KRT86: variants seen among roughly 807,000 people sequenced by gnomAD.
KRT86 encodes keratin, type II cuticular Hb6.
Under a neutral mutation model 41.2 loss-of-function variants are expected in KRT86, and 30 were observed. The observed-to-expected ratio is 0.73, with a 90% CI of 0.54 to 0.99. The LOEUF (loss-of-function observed/expected upper bound fraction) is 0.99. Ranked by LOEUF, KRT86 falls within the 50% of genes least tolerant of loss-of-function variation. The pLI, the probability that KRT86 is intolerant of heterozygous loss-of-function variation, is 0.00. For synonymous variants in KRT86, 238 were observed against 238.1 expected (o/e 1.00, Z 0.00); for missense variants, 561 against 571.4 (o/e 0.98, Z 0.19).
At chr12:52,280,170 G>A (rs556179330) in intron 2 of KRT86, among the ~76,000 whole-genome samples, 8 of 152,318 alleles carry the variant, frequency 5.3e-5, no homozygotes, top group Non-Finnish European at 1.0e-4. Flanking sequence ...GGCGGGCAGA[G>A]GAACAACACA....
intron 8 of KRT86, 131 bp downstream of exon 8, chr12:52,305,919 G>T: frequency 6.3e-7 from 1 of 1,577,514 alleles, no homozygotes; most frequent in Non-Finnish European, 8.6e-7. Flanking sequence ...CCTGGTTGTG[G>T]TCTCTGTGAG....
At chr12:52,285,606 G>C (rs1420554255) in intron 2 of KRT86, among the ~76,000 whole-genome samples, 2 of 152,152 alleles carry the variant, frequency 1.3e-5, no homozygotes, top group African/African-American at 4.8e-5. Context: ...GAGCACTAGC[G>C]ACACACACAG....
intron 2 of KRT86, among the ~76,000 whole-genome samples, chr12:52,301,158 A>G (rs748552158): frequency 6.6e-6 from 1 of 151,242 alleles, no homozygotes; most frequent in African/African-American, 2.4e-5. Context: ...TGTGTATGTG[A>G]AAGAGAGAGG....
intron 2 of KRT86, among the ~76,000 whole-genome samples, chr12:52,288,661 T>G (rs903458588): frequency 5.3e-5 from 8 of 152,070 alleles, no homozygotes; most frequent in African/African-American, 1.9e-4. Context: ...TGACCATGCC[T>G]CACCAGCCTT....
chr12:52,276,752 A>G (rs1007960962), intron 2 of KRT86, among the ~76,000 whole-genome samples: 2 of 152,054 alleles, frequency 1.3e-5, no homozygotes, highest in Non-Finnish European at 2.9e-5. Context: ...GTCCTCCAGG[A>G]TGTTTTCTTT....
intron 6 of KRT86, 64 bp from the exon 7 acceptor site, chr12:52,305,176 G>A (rs549727798): frequency 3.1e-6 from 5 of 1,612,652 alleles, no homozygotes; most frequent in Non-Finnish European, 4.2e-6. Context: ...CTGAGGAGGT[G>A]GAGTCAGGAC....
chr12:52,286,376 C>G (rs1031761155), intron 2 of KRT86: 4 of 1,555,234 alleles, frequency 2.6e-6, no homozygotes, highest in Non-Finnish European at 3.5e-6. Context: ...CGCACACAGG[C>G]CGGTGCTCAC....
In KRT86 at chr12:52,308,784, C is replaced by G; in HGVS notation, c.*199C>G. 1.7e-6 allele frequency: 1 copy of G among 598,682 alleles called. No individual in the cohort carries two copies. The highest frequency in any genetic ancestry group is 2.0e-5 in the South Asian group (1 of 50,308). The allele number at this position is 598,682 out of a possible 1,614,324, so 37.1% of individuals were successfully genotyped here. ...GGGGAGGGCCGGGAGGCGCCATGGT[C>G]TCTCTCTGTAGCCTTTCCTGGTAGT... On this transcript the variant is annotated 3_prime_UTR_variant, in exon 11 of 11. Transcript: ENST00000423955.
intron 10 of KRT86, 23 bp downstream of exon 10, chr12:52,308,287 T>C: frequency 6.2e-7 from 1 of 1,614,112 alleles, no homozygotes; most frequent in Non-Finnish European, 8.5e-7. Context: ...GTCCGTCCCC[T>C]CCTCCCGCTG....
rs61914259 is a variant in KRT86 at position 52,305,249 on chromosome 12, G to C, written c.745G>C (p.Val249Leu). Residue 249 changes from valine (V) to leucine (L), a missense_variant, in exon 7 of 11, where the codon GTT (valine) becomes CTT (leucine). This residue lies in a region of KRT86 where 397 missense variants were observed against 375.9 expected (regional missense o/e 1.06). Coordinates refer to ENST00000423955, the MANE Select transcript of KRT86 (RefSeq NM_001320198.2). Reference protein sequence around the residue: ...LRRLYEEEIRVLQSHISDTSV... With the variant: ...LRRLYEEEIRLLQSHISDTSV... ...CCCTCACCTCCTGCAGGAGATCCGC[G>C]TTCTCCAGTCCCACATCTCAGACAC... 3.1e-6 allele frequency: 5 copies of C among 1,608,630 alleles called. No individual in the cohort carries two copies. The highest frequency in any genetic ancestry group is 3.4e-6 in the Non-Finnish European group (4 of 1,177,706).
intron 2 of KRT86, among the ~76,000 whole-genome samples, chr12:52,292,733 C>G (rs1334764364): frequency 6.6e-6 from 1 of 152,038 alleles, no homozygotes; most frequent in African/African-American, 2.4e-5. Flanking sequence ...GGGCTAGAGG[C>G]TGGATTAGGT....
intron 2 of KRT86, chr12:52,286,225 G>A (rs1258732399): frequency 1.4e-5 from 22 of 1,536,288 alleles, no homozygotes; most frequent in Middle Eastern, 2.0e-4. Context: ...CAGGAAAGAT[G>A]CCTGGGGCCT....
At chr12:52,286,862 C>G (rs1307490283) in intron 2 of KRT86, 2 of 1,611,368 alleles carry the variant, frequency 1.2e-6, no homozygotes, top group Non-Finnish European at 1.7e-6. Flanking sequence ...AGTGACTGCC[C>G]CAGAGTGGCT....
At position 52,308,245 on chromosome 12, in the gene KRT86, C is replaced by A. The variant is rs749890373; in HGVS notation, c.1260C>A (p.Gly420=). 34 of 1,614,096 alleles carry A rather than the reference C, an allele frequency of 2.1e-5. No homozygotes were observed. The African/African-American group carries it at 4.3e-4, about 20-fold the overall frequency. Reference sequence around the variant, plus strand: ...TCTCTCCCTGCAGGCTGTGCGAGGGCGTCGGCTCGGTGAATGTCTGTAAGT... The same window carrying A: ...TCTCTCCCTGCAGGCTGTGCGAGGGAGTCGGCTCGGTGAATGTCTGTAAGT... ...LEGEEQRLCE[G]VGSVNVCVSS... is the part of the protein sequence containing the mutation. The change falls in exon 10 of 11, where the codon GGC becomes GGA. Residue 420 remains glycine (G), a synonymous_variant. Transcript: ENST00000423955.
chr12:52,281,701 C>G lies in KRT86; in HGVS notation c.-5+5755C>G, dbSNP rs151306823. 3.2e-3 allele frequency among the ~76,000 whole-genome samples: 494 copies of G among 152,300 alleles called. 5 individuals carry two copies. Among genetic ancestry groups the G allele is most frequent in the African/African-American group, 0.011 (459 of 41,552 alleles). On this transcript the variant is annotated intron_variant, in intron 2 of 10. Coordinates refer to ENST00000423955, the MANE Select transcript of KRT86 (RefSeq NM_001320198.2). ...GCCTCAGTCCTGCCCTCCTCTAGATCTAAATTGTGAAGATTCTTTTTTTCC... is the reference window on the plus strand; with the variant it reads ...GCCTCAGTCCTGCCCTCCTCTAGATGTAAATTGTGAAGATTCTTTTTTTCC...
intron 2 of KRT86, chr12:52,288,586 C>A: frequency 9.1e-7 from 1 of 1,101,266 alleles, no homozygotes; most frequent in South Asian, 1.2e-5. Context: ...GCCTTTCCTC[C>A]CCTTCTGCCC....
At chr12:52,281,533 C>G (rs1937771411) in intron 2 of KRT86, among the ~76,000 whole-genome samples, 1 of 152,096 alleles carries the variant, frequency 6.6e-6, no homozygotes, top group African/African-American at 2.4e-5. Flanking sequence ...TTGGAAGTCT[C>G]TTGTGGAGTC....
At chr12:52,294,758 T>C (rs890239049) in intron 2 of KRT86, among the ~76,000 whole-genome samples, 1 of 152,228 alleles carries the variant, frequency 6.6e-6, no homozygotes, top group Non-Finnish European at 1.5e-5. Flanking sequence ...CTAGGGTGAC[T>C]CCTCTCTTGC....
At chr12:52,308,364 G>T in intron 10 of KRT86, 40 bp from the exon 11 acceptor site, 1 of 1,611,532 alleles carries the variant, frequency 6.2e-7, no homozygotes, top group Non-Finnish European at 8.5e-7. Flanking sequence ...CCCAGGTCGC[G>T]GCTGCGCCTG....
Sources: allele counts gnomAD v4.1 joint callset (sites outside exome capture counted in the v4.1 genomes callset), GRCh38; gene constraint gnomAD v4.1.1; regional missense constraint gnomAD v4.1.1; transcripts MANE v1.5; gene names NCBI Gene and HGNC (gene_info 2026-07-23, HGNC 2026-07-21).